The following ZNF195 variants were observed in gnomAD, a reference collection of about 807,000 sequenced individuals.
The protein encoded by ZNF195 is zinc finger protein 195.
In ZNF195, 11 loss-of-function variants were observed where a neutral mutation model predicts 19.5. The observed-to-expected ratio is 0.57, with a 90% CI of 0.36 to 0.94. The LOEUF (loss-of-function observed/expected upper bound fraction) is 0.94, where lower values mean the gene tolerates loss of function less well. Among genes scored for constraint, ZNF195 ranks in the 40% least tolerant of loss-of-function variants. ZNF195 has a pLI of 0.01. For synonymous variants in ZNF195, 214 were observed against 248.1 expected (o/e 0.86, Z 1.29); for missense variants, 582 against 709.0 (o/e 0.82, Z 2.03).
intron 3 of ZNF195, chr11:3,362,150 T>C: frequency 3.4e-6 from 1 of 293,796 alleles, no homozygotes; most frequent in Non-Finnish European, 7.0e-6. Context: ...ATATAACCAG[T>C]GTCCTACAAA....
At position 3,359,924 on chromosome 11, in the gene ZNF195, C is replaced by T; in HGVS notation, c.1084G>A (p.Val362Ile). 1 of 1,614,208 alleles carries T rather than the reference C, an allele frequency of 6.2e-7. No individual in the cohort carries two copies. The highest frequency in any genetic ancestry group is 8.5e-7 in the Non-Finnish European group (1 of 1,180,042). The change falls in exon 6 of 6, where the codon GTC (valine) becomes ATC (isoleucine). Residue 362 changes from valine to isoleucine, a missense_variant. Val to Ile is a conservative substitution (Grantham distance 29, BLOSUM62 3). Transcript: ENST00000399602. The surrounding 1 kb of genome is among the most constrained non-coding windows in gnomAD (Gnocchi z 5.5). ...GAAAGGCTTGAGCAAGAGATAAAGACACTGCTGCACTCTTCATATTTGCAG... is the reference window on the plus strand; with the variant it reads ...GAAAGGCTTGAGCAAGAGATAAAGATACTGCTGCACTCTTCATATTTGCAG... ...KPCKYEECSS[V>I]FISCSSLSNQ...
In ZNF195 at chr11:3,360,119, C is replaced by T; in HGVS notation, c.889G>A (p.Glu297Lys). Residue 297 changes from glutamate to lysine, a missense_variant, in exon 6 of 6, where the codon GAG (glutamate) becomes AAG (lysine). Transcript: ENST00000399602. ...CATTCTTGACACTTGTAAGGTTTCT[C>T]TCCAGTGTCAATGTTCTCAGGTTCA... is the stretch of plus-strand genomic sequence containing the variant. ...FTEPENIDTG[E>K]KPYKCQECNN... The T allele has an allele frequency of 6.2e-7, 1 of 1,614,116 alleles. No homozygotes were observed. The highest frequency in any genetic ancestry group is 1.1e-5 in the South Asian group (1 of 91,076).
chr11:3,365,869 T>C (rs1302429678), intron 3 of ZNF195, among the ~76,000 whole-genome samples: 4 of 152,208 alleles, frequency 2.6e-5, no homozygotes, highest in Non-Finnish European at 5.9e-5. Context: ...AAAAGAATCC[T>C]TTCAACAAAT....
chr11:3,362,565 GTT>G (rs1848684139), intron 3 of ZNF195: 4 of 598,210 alleles, frequency 6.7e-6, no homozygotes, highest in Non-Finnish European at 1.2e-5. Context: ...ACTTTAAGAT[GTT>G]TTATATAATT....
At chr11:3,360,888 G>T in intron 4 of ZNF195, 100 bp from the exon 5 acceptor site, 1 of 993,904 alleles carries the variant, frequency 1.0e-6, no homozygotes, top group Non-Finnish European at 1.4e-6. Flanking sequence ...TACACCCTCA[G>T]CTCTTGGCTT....
At chr11:3,371,212 T>C in intron 2 of ZNF195, 142 bp from the exon 3 acceptor site, 1 of 774,554 alleles carries the variant, frequency 1.3e-6, no homozygotes, top group Non-Finnish European at 2.0e-6. Context: ...ACCTTTAGAA[T>C]ATTCAGTAAG....
At chr11:3,375,534 AG>A (rs2133739765) in intron 1 of ZNF195, 1 of 152,352 alleles carries the variant, frequency 6.6e-6, no homozygotes, top group Non-Finnish European at 1.5e-5. Context: ...ATGAAGCAGA[AG>A]TCCCTTTGAC....
chr11:3,378,706 G>C (rs1333805601), intron 1 of ZNF195, among the ~76,000 whole-genome samples: 1 of 152,216 alleles, frequency 6.6e-6, no homozygotes, highest in African/African-American at 2.4e-5. Flanking sequence ...GGACTCCCTC[G>C]AGAGAAAGGA....
chr11:3,359,544 A>G lies in ZNF195; in HGVS notation c.1464T>C (p.His488=), dbSNP rs367564176. ...CSSLSNHKRT[H]SEEKPYTCEE... is the part of the protein sequence containing the mutation. Reference sequence around the variant, plus strand: ...CACACGTGTAGGGTTTTTCTTCAGAATGAGTTCTCTTATGGTTAGAAAGGC... The same window carrying G: ...CACACGTGTAGGGTTTTTCTTCAGAGTGAGTTCTCTTATGGTTAGAAAGGC... The change falls in exon 6 of 6, where the codon CAT becomes CAC. Residue 488 remains histidine, a synonymous_variant. Transcript: ENST00000399602. The surrounding 1 kb of genome is among the most constrained non-coding windows in gnomAD (Gnocchi z 5.5). 8 of 1,614,110 alleles carry G rather than the reference A, an allele frequency of 5.0e-6. No homozygotes were observed. Among genetic ancestry groups the G allele is most frequent in the Non-Finnish European group, 6.8e-6 (8 of 1,180,006 alleles).
At chr11:3,373,346 G>C (rs1374869601) in intron 1 of ZNF195, among the ~76,000 whole-genome samples, 1 of 152,180 alleles carries the variant, frequency 6.6e-6, no homozygotes, top group Non-Finnish European at 1.5e-5. Context: ...GTCATGGTAA[G>C]AATTCTTCAT....
rs1005920609 is a variant in ZNF195, at chr11:3,370,688, C to T, written c.226+287G>A. Among the ~76,000 whole-genome samples, 7 of 152,322 alleles carry T rather than the reference C, an allele frequency of 4.6e-5. No homozygotes were observed. The East Asian group carries it at 9.6e-4, about 21-fold the overall frequency. On this transcript the variant is annotated intron_variant, in intron 3 of 5. Transcript: ENST00000399602. ...ACAGGCATGTTCCCAAAAGCAGTGG[C>T]GGAGCACGCCATGAGACCACACAGG...
At chr11:3,373,588 C>T in intron 1 of ZNF195, 1 of 1,550,818 alleles carries the variant, frequency 6.4e-7, no homozygotes, top group Non-Finnish European at 8.7e-7. Context: ...TGAGCACCAG[C>T]CATTTCTTTC....
At chr11:3,365,146 A>T (rs1337586998) in intron 3 of ZNF195, among the ~76,000 whole-genome samples, 4 of 152,216 alleles carry the variant, frequency 2.6e-5, no homozygotes, top group Admixed American at 1.3e-4. Context: ...GGGCTCCCAG[A>T]TATATAAAGC....
chr11:3,378,377 TA>T (rs35553440), intron 1 of ZNF195, among the ~76,000 whole-genome samples: 20,367 of 149,962 alleles, frequency 0.14, 1,728 homozygotes, highest in East Asian at 0.42. Context: ...GTTCTTAGGT[TA>T]AAAAAAAAAA....
chr11:3,374,037 G>A (rs1849338708), intron 1 of ZNF195, among the ~76,000 whole-genome samples: 1 of 152,222 alleles, frequency 6.6e-6, no homozygotes, highest in South Asian at 2.1e-4. Flanking sequence ...ATCCCATGAT[G>A]CATGTGACTT....
chr11:3,377,440 G>GT (rs1221967315), intron 1 of ZNF195, among the ~76,000 whole-genome samples: 1 of 152,334 alleles, frequency 6.6e-6, no homozygotes, highest in African/African-American at 2.4e-5. Context: ...ACGGGGTGGA[G>GT]TTTTTCTTGC....
chr11:3,363,847 C>T (rs1197540972), intron 3 of ZNF195, among the ~76,000 whole-genome samples: 1 of 152,132 alleles, frequency 6.6e-6, no homozygotes, highest in African/African-American at 2.4e-5. Context: ...GAATGTAGCA[C>T]AGATTTAAAA....
At chr11:3,362,041 C>T (rs928127733) in intron 3 of ZNF195, 152 bp from the exon 4 acceptor site, 7 of 445,788 alleles carry the variant, frequency 1.6e-5, no homozygotes, top group Non-Finnish European at 2.7e-5. Context: ...GCCTGAGTGA[C>T]AGAATAAATC....
At chr11:3,374,598 G>T (rs1564928448) in intron 1 of ZNF195, among the ~76,000 whole-genome samples, 1 of 152,228 alleles carries the variant, frequency 6.6e-6, no homozygotes, top group Non-Finnish European at 1.5e-5. Context: ...ACTGTGCTGG[G>T]CACCTCACGT....
Sources: allele counts gnomAD v4.1 joint callset (sites outside exome capture counted in the v4.1 genomes callset), GRCh38; gene constraint gnomAD v4.1.1; non-coding constraint Gnocchi (gnomAD v3.1); transcripts MANE v1.5; gene names NCBI Gene and HGNC (gene_info 2026-07-23, HGNC 2026-07-21).